Variants in MIF4GD observed in about 807,000 individuals in gnomAD.
The protein encoded by MIF4GD is MIF4G domain containing.
Under a neutral mutation model 26.7 loss-of-function variants are expected in MIF4GD, and 22 were observed. The observed-to-expected ratio is 0.82, with a 90% CI of 0.59 to 1.18. MIF4GD has a LOEUF of 1.18. Ranked by LOEUF, MIF4GD falls within the 50% of genes most tolerant of loss-of-function variation. MIF4GD has a pLI of 0.00. For synonymous variants in MIF4GD, 137 were observed against 111.6 expected (o/e 1.23, Z -1.43); for missense variants, 262 against 279.6 (o/e 0.94, Z 0.45).
intron 2 of MIF4GD, among the ~76,000 whole-genome samples, chr17:75,269,822 G>C (rs2077663795): frequency 1.4e-5 from 2 of 138,470 alleles, no homozygotes; most frequent in Admixed American, 8.2e-5. Context: ...CAAGCAATCT[G>C]CCCACCTTGG....
In MIF4GD at chr17:75,268,081, A is replaced by G. The variant is rs767810646; in HGVS notation, c.192+2T>C. Reference sequence around the variant, plus strand: ...GCTTCCTTTCCTCTCCCAACCCCCAACCTGAATGATGGCGTAGCACATGCG... The same window carrying G: ...GCTTCCTTTCCTCTCCCAACCCCCAGCCTGAATGATGGCGTAGCACATGCG... On this transcript the variant is annotated splice_donor_variant, in intron 3 of 5. Coordinates refer to ENST00000325102, the MANE Select transcript of MIF4GD (RefSeq NM_001370592.1). LOFTEE classifies it high-confidence loss of function. 1.9e-5 allele frequency: 30 copies of G among 1,613,802 alleles called. No homozygotes were observed. Among genetic ancestry groups the G allele is most frequent in the Non-Finnish European group, 2.0e-5 (24 of 1,179,774 alleles).
chr17:75,267,679 A>G lies in MIF4GD; in HGVS notation c.349-49T>C, dbSNP rs779008638. The G allele has an allele frequency of 1.1e-5, 17 of 1,613,404 alleles. No homozygotes were observed. In the South Asian group the frequency reaches 1.8e-4, roughly 17 times the overall value. The stretch of plus-strand genomic sequence containing the variant: ...AGCACCAGGCTTAGTGGCCAAGGGG[A>G]GCAGTCCAACCTGGGCCTCAGGAAA... On this transcript the variant is annotated intron_variant, in intron 4 of 5. Transcript: ENST00000325102.
chr17:75,268,388 G>C (rs2077584838), intron 2 of MIF4GD, among the ~76,000 whole-genome samples, 196 bp from the exon 3 acceptor site: 1 of 152,214 alleles, frequency 6.6e-6, no homozygotes, highest in African/African-American at 2.4e-5. Context: ...TCATGGCCGG[G>C]CGCAGTGGCT....
Position 75,270,351 on chromosome 17 carries a change from T to A in MIF4GD, c.-50-106A>T, listed in dbSNP as rs527543580. 3.6e-3 allele frequency: 2,357 copies of A among 651,108 alleles called. 11 individuals carry two copies. Among genetic ancestry groups the A allele is most frequent in the Non-Finnish European group, 4.8e-3 (1,779 of 368,800 alleles). 40.3% of individuals were successfully genotyped at this position (651,108 alleles called of 1,614,324 possible). On this transcript the variant is annotated intron_variant, in intron 1 of 5. Coordinates refer to ENST00000325102, the MANE Select transcript of MIF4GD (RefSeq NM_001370592.1). The surrounding 1 kb of genome is among the most constrained non-coding windows in gnomAD (Gnocchi z 5.7). ...ACGGCGCGCTCGGGACAGGGACTCC[T>A]GGGCGGTCCGTGGCGTGCGGTGGTT... is the stretch of plus-strand genomic sequence containing the variant.
intron 2 of MIF4GD, chr17:75,269,356 G>A: frequency 6.2e-7 from 1 of 1,613,996 alleles, no homozygotes; most frequent in Non-Finnish European, 8.5e-7. Context: ...CCTCTGTACT[G>A]CGTGTTACAG....
chr17:75,269,127 T>C (rs2077616466), intron 2 of MIF4GD, among the ~76,000 whole-genome samples: 1 of 152,108 alleles, frequency 6.6e-6, no homozygotes, highest in African/African-American at 2.4e-5. Context: ...TAGGGACCAA[T>C]CAAAGTAAGA....
chr17:75,267,415 C>T (rs530534346), intron 5 of MIF4GD, 123 bp downstream of exon 5: 101 of 955,894 alleles, frequency 1.1e-4, no homozygotes, highest in Non-Finnish European at 1.4e-4. Flanking sequence ...AACACCCCCA[C>T]AGTCCTGCCC....
At chr17:75,269,203 A>T in intron 2 of MIF4GD, 1 of 787,872 alleles carries the variant, frequency 1.3e-6, no homozygotes, top group Non-Finnish European at 2.0e-6. Flanking sequence ...TGACCAGGAC[A>T]TGCCTCCAAC....
chr17:75,266,992 C>T, intron 5 of MIF4GD, 25 bp from the exon 6 acceptor site: 1 of 1,598,742 alleles, frequency 6.3e-7, no homozygotes. Context: ...GTGGGTAACA[C>T]AAGTGAACTG....
Position 75,266,608 on chromosome 17 carries a change from G to A in MIF4GD, c.*132C>T. The A allele has an allele frequency of 1.2e-6, 1 of 828,150 alleles. No homozygotes were observed. Among genetic ancestry groups the A allele is most frequent in the Non-Finnish European group, 2.0e-6 (1 of 509,364 alleles). 51.3% of individuals were successfully genotyped at this position (828,150 alleles called of 1,614,324 possible). A position where few individuals can be genotyped will look rare whatever the true frequency, so the allele number is the denominator to read the frequency against. ...GTGGGAAACATCTCACCAGGAGATGGGAAAGTCTAGAAGGGAAGACACTCA... is the reference window on the plus strand; with the variant it reads ...GTGGGAAACATCTCACCAGGAGATGAGAAAGTCTAGAAGGGAAGACACTCA... On this transcript the variant is annotated 3_prime_UTR_variant, in exon 6 of 6. Coordinates refer to ENST00000325102, the MANE Select transcript of MIF4GD (RefSeq NM_001370592.1).
At chr17:75,269,297 G>A in intron 2 of MIF4GD, 1 of 1,605,628 alleles carries the variant, frequency 6.2e-7, no homozygotes, top group Non-Finnish European at 8.5e-7. Flanking sequence ...CTCCCAACAG[G>A]CTCGGCTTGA....
In MIF4GD at chr17:75,268,116, C is replaced by T; in HGVS notation, c.159G>A (p.Lys53=). 1.2e-6 allele frequency: 2 copies of T among 1,614,248 alleles called. No homozygotes were observed. The highest frequency in any genetic ancestry group is 2.2e-5 in the South Asian group (2 of 91,084). The change falls in exon 3 of 6, where the codon AAG becomes AAA. Residue 53 remains lysine (K), a synonymous_variant. Coordinates refer to ENST00000325102, the MANE Select transcript of MIF4GD (RefSeq NM_001370592.1). The part of the protein sequence containing the change: ...DHSLQDCVFS[K]EAGRMCYAII... ...TGGCGTAGCACATGCGTCCTGCTTCCTTGCTGAACACACAGTCCTGCAGAG... is the reference window on the plus strand; with the variant it reads ...TGGCGTAGCACATGCGTCCTGCTTCTTTGCTGAACACACAGTCCTGCAGAG...
At position 75,270,288 on chromosome 17, in the gene MIF4GD, C is replaced by T. The variant is rs2077685221; in HGVS notation, c.-50-43G>A. 1 of 1,165,248 alleles carries T rather than the reference C, an allele frequency of 8.6e-7. No homozygotes were observed. Among genetic ancestry groups the T allele is most frequent in the Non-Finnish European group, 1.3e-6 (1 of 781,184 alleles). The allele number at this position is 1,165,248 out of a possible 1,614,324, so 72.2% of individuals were successfully genotyped here. ...AGGGAGCGGCCTCAGGTGTGGAGCG[C>T]AGGGCGGGTTCCGTCCTGCAGGCCC... is the stretch of plus-strand genomic sequence containing the variant. On this transcript the variant is annotated intron_variant, in intron 1 of 5. Transcript: ENST00000325102. This position sits in a 1 kb window ranked among gnomAD's most constrained non-coding sequence, Gnocchi z 5.7.
rs755265166 is a variant in MIF4GD at position 75,267,872 on chromosome 17, GAC to G, written c.220_221del (p.Val74LeufsTer39). On this transcript the variant is annotated frameshift_variant, in exon 4 of 6. Coordinates refer to ENST00000325102, the MANE Select transcript of MIF4GD (RefSeq NM_001370592.1). LOFTEE classifies it high-confidence loss of function. ...QAESKQAGQS[V>X]FRRGLLNRLQ... is the part of the protein sequence containing the mutation. ...GCCGGTTGAGGAGTCCACGTCGGAA[GAC>G]ACTCTGGCCTGCTTGTTTACTCTCT... 120 of 1,613,446 alleles carry G rather than the reference GAC, an allele frequency of 7.4e-5. No individual in the cohort carries two copies. Among genetic ancestry groups the G allele is most frequent in the Non-Finnish European group, 9.8e-5 (116 of 1,179,920 alleles).
chr17:75,270,642 C>T lies in MIF4GD; in HGVS notation c.-50-397G>A, dbSNP rs2077700272. 5.7e-6 allele frequency: 1 copy of T among 174,920 alleles called. No individual in the cohort carries two copies. Among genetic ancestry groups the T allele is most frequent in the Non-Finnish European group, 1.2e-5 (1 of 81,276 alleles). The allele number at this position is 174,920 out of a possible 1,614,324, so 10.8% of individuals were successfully genotyped here. A position where few individuals can be genotyped will look rare whatever the true frequency, so the allele number is the denominator to read the frequency against. On this transcript the variant is annotated intron_variant, in intron 1 of 5. Coordinates refer to ENST00000325102, the MANE Select transcript of MIF4GD (RefSeq NM_001370592.1). This position sits in a 1 kb window ranked among gnomAD's most constrained non-coding sequence, Gnocchi z 5.7. ...TGAGGGCCAGGCTGGGAACTCCAAG[C>T]GGTGCGACTCTGTCCCCAGCAGGTC...
intron 5 of MIF4GD, among the ~76,000 whole-genome samples, chr17:75,267,225 C>G (rs2077522716): frequency 6.8e-6 from 1 of 146,428 alleles, no homozygotes; most frequent in African/African-American, 2.5e-5. Context: ...CTCCCACACA[C>G]TGCCTGACCC....
intron 4 of MIF4GD, 38 bp from the exon 5 acceptor site, chr17:75,267,668 T>G: frequency 6.2e-7 from 1 of 1,613,872 alleles, no homozygotes; most frequent in Non-Finnish European, 8.5e-7. Flanking sequence ...CCAGGCTTAG[T>G]GGCCAAGGGG....
rs2077724248 is a variant in MIF4GD at position 75,271,151 on chromosome 17, G to T, written c.-58C>A. On this transcript the variant is annotated 5_prime_UTR_variant, in exon 1 of 6. Transcript: ENST00000325102. The surrounding 1 kb of genome is among the most constrained non-coding windows in gnomAD (Gnocchi z 4.2). ...GTGGGAGCCGGGACCCACCTGCCGG[G>T]CCGGTGGCGCGCGCGCGTGCCCGGG... 6.7e-6 allele frequency: 1 copy of T among 149,156 alleles called. No homozygotes were observed. The highest frequency in any genetic ancestry group is 3.4e-3 in the Middle Eastern group (1 of 292). 9.2% of individuals were successfully genotyped at this position (149,156 alleles called of 1,614,324 possible). A position where few individuals can be genotyped will look rare whatever the true frequency, so the allele number is the denominator to read the frequency against.
intron 5 of MIF4GD, 96 bp from the exon 6 acceptor site, chr17:75,267,063 C>T (rs2077513124): frequency 2.0e-6 from 2 of 1,020,172 alleles, no homozygotes; most frequent in Admixed American, 2.0e-5. Flanking sequence ...TTTGCCTTTA[C>T]ACTCATTCCC....
Sources: gnomAD v4.1 joint callset for allele counts (sites outside exome capture counted in the v4.1 genomes callset) on GRCh38, gnomAD v4.1.1 for gene constraint, Gnocchi (gnomAD v3.1) non-coding constraint, MANE v1.5 for transcripts, NCBI Gene and HGNC (gene_info 2026-07-23, HGNC 2026-07-21) for gene names.